The following SCAPER variants were observed in gnomAD, a reference collection of about 807,000 sequenced individuals.
The protein encoded by SCAPER is S phase cyclin A-associated protein in the endoplasmic reticulum.
SCAPER carries 98 observed loss-of-function variants against 182.2 expected under a neutral mutation model. That is an observed-to-expected ratio of 0.54 (90% CI 0.46 to 0.64). SCAPER has a LOEUF of 0.64. Among genes scored for constraint, SCAPER ranks in the 30% least tolerant of loss-of-function variants. The probability of loss-of-function intolerance (pLI) is 0.00; values close to 1 mark genes in which losing one functional copy is unlikely to be tolerated. For synonymous variants in SCAPER, 605 were observed against 564.6 expected (o/e 1.07, Z -1.01); for missense variants, 1,432 against 1,690.0 (o/e 0.85, Z 2.68).
chr15:76,546,410 G>A (rs1158185629), intron 23 of SCAPER, among the ~76,000 whole-genome samples: 2 of 151,846 alleles, frequency 1.3e-5, no homozygotes, highest in African/African-American at 2.4e-5. Context: ...GGCTGGTCTC[G>A]AACTCCTAGG....
chr15:76,805,635 G>A (rs1955165233), intron 5 of SCAPER, among the ~76,000 whole-genome samples: 1 of 148,102 alleles, frequency 6.8e-6, no homozygotes, highest in African/African-American at 2.5e-5. Context: ...TCTCAGCATC[G>A]CGGCTCACTG....
At chr15:76,487,399 T>C (rs992887178) in intron 24 of SCAPER, among the ~76,000 whole-genome samples, 5 of 152,172 alleles carry the variant, frequency 3.3e-5, no homozygotes, top group African/African-American at 1.2e-4. Context: ...TGGAGCACAA[T>C]GAAGTTTTGG....
chr15:76,542,672 T>C (rs2044874154), intron 23 of SCAPER, among the ~76,000 whole-genome samples: 1 of 152,108 alleles, frequency 6.6e-6, no homozygotes, highest in African/African-American at 2.4e-5. Flanking sequence ...GCTTAGCTTA[T>C]TAAAGAAAAA....
At chr15:76,660,381 A>T (rs953379891) in intron 21 of SCAPER, among the ~76,000 whole-genome samples, 2 of 152,204 alleles carry the variant, frequency 1.3e-5, no homozygotes, top group Non-Finnish European at 2.9e-5. Flanking sequence ...AATACCCCTG[A>T]ACCTAAAATA....
chr15:76,820,001 C>G lies in SCAPER; in HGVS notation c.394-15368G>C, dbSNP rs189978364. ...ACACATGAAAAAATGCTCATCATCA[C>G]TGGACATCAGAGAAATGCAAATCAA... On this transcript the variant is annotated intron_variant, in intron 5 of 31. Coordinates refer to ENST00000563290, the MANE Select transcript of SCAPER (RefSeq NM_020843.4). Among the ~76,000 whole-genome samples, 126 of 152,322 alleles carry G rather than the reference C, an allele frequency of 8.3e-4. 1 individual carries two copies. The highest frequency in any genetic ancestry group is 2.8e-3 in the African/African-American group (118 of 41,572).
chr15:76,358,257 T>C (rs1445475750), intron 29 of SCAPER, among the ~76,000 whole-genome samples: 1 of 152,220 alleles, frequency 6.6e-6, no homozygotes, highest in Non-Finnish European at 1.5e-5. Context: ...CTATTCCTGA[T>C]CATTCTCTGG....
intron 17 of SCAPER, among the ~76,000 whole-genome samples, chr15:76,710,256 A>T (rs2059490661): frequency 6.6e-6 from 1 of 152,200 alleles, no homozygotes; most frequent in African/African-American, 2.4e-5. Flanking sequence ...ATAAGCCTTT[A>T]TGTATAAAAA....
intron 14 of SCAPER, among the ~76,000 whole-genome samples, chr15:76,764,243 G>A (rs868229278): frequency 2.0e-5 from 3 of 152,344 alleles, no homozygotes; most frequent in Non-Finnish European, 4.4e-5. Context: ...ATGCATTGGC[G>A]TGGCAGCTCA....
chr15:76,856,377 A>G (rs957284119), intron 4 of SCAPER, among the ~76,000 whole-genome samples: 1 of 152,058 alleles, frequency 6.6e-6, no homozygotes, highest in African/African-American at 2.4e-5. Context: ...GTTTACCTAT[A>G]TAACAAACCT....
intron 27 of SCAPER, among the ~76,000 whole-genome samples, chr15:76,392,157 A>G (rs763047946): frequency 2.0e-4 from 30 of 152,162 alleles, no homozygotes; most frequent in Non-Finnish European, 4.0e-4. Context: ...CTTGTTATGA[A>G]TATGGTTTGG....
At chr15:76,774,817 T>C (rs2063653032) in intron 9 of SCAPER, 38 bp downstream of exon 9, 3 of 1,571,098 alleles carry the variant, frequency 1.9e-6, no homozygotes, top group South Asian at 1.2e-5. Flanking sequence ...ACATACACCT[T>C]TGAAAAAGAC....
rs937147854 is a variant in SCAPER at position 76,711,741 on chromosome 15, A to G, written c.2166-5757T>C. Among the ~76,000 whole-genome samples the G allele has an allele frequency of 1.8e-4, 27 of 152,292 alleles. No individual in the cohort carries two copies. In the South Asian group the frequency reaches 3.1e-3, roughly 18 times the overall value. On this transcript the variant is annotated intron_variant, in intron 17 of 31. Transcript: ENST00000563290. ...TTGGCCGCATAAATGTCTTCTTTTG[A>G]GAAGTGTCTGTTCATATCCTCCCCC...
intron 20 of SCAPER, among the ~76,000 whole-genome samples, chr15:76,675,956 C>T (rs997571154): frequency 6.6e-6 from 1 of 152,102 alleles, no homozygotes; most frequent in Non-Finnish European, 1.5e-5. Context: ...TCCCGAGTAG[C>T]TGGGATTACA....
chr15:76,379,653 TC>T (rs1309639757), intron 28 of SCAPER: 1 of 152,128 alleles, frequency 6.6e-6, no homozygotes, highest in Non-Finnish European at 1.5e-5. Flanking sequence ...CACAAAGGAT[TC>T]CAGAAATAGG....
intron 5 of SCAPER, among the ~76,000 whole-genome samples, chr15:76,819,430 A>G (rs1005955539): frequency 1.3e-5 from 2 of 152,170 alleles, no homozygotes; most frequent in African/African-American, 4.8e-5. Flanking sequence ...CAGTTCACCA[A>G]TATCCTCTGT....
intron 6 of SCAPER, among the ~76,000 whole-genome samples, chr15:76,802,043 T>C (rs1386398179): frequency 5.3e-5 from 8 of 151,924 alleles, no homozygotes; most frequent in Non-Finnish European, 1.0e-4. Flanking sequence ...CAGCCACCAA[T>C]AGGTAACTGA....
At chr15:76,728,572 C>A in intron 17 of SCAPER, 23 bp downstream of exon 17, 1 of 1,612,632 alleles carries the variant, frequency 6.2e-7, no homozygotes, top group South Asian at 1.1e-5. Context: ...GCAAAATGTT[C>A]ATCAAGATAG....
chr15:76,825,507 G>A (rs916516832), intron 5 of SCAPER, among the ~76,000 whole-genome samples: 2 of 151,840 alleles, frequency 1.3e-5, no homozygotes, highest in African/African-American at 4.8e-5. Context: ...TTTGTCCATA[G>A]TAACACATCT....
intron 4 of SCAPER, among the ~76,000 whole-genome samples, chr15:76,854,469 C>T (rs1293183974): frequency 1.3e-5 from 2 of 152,016 alleles, no homozygotes; most frequent in Admixed American, 6.6e-5. Flanking sequence ...ATGACACAAA[C>T]AAATGGAAAA....
Sources: gnomAD v4.1 joint callset for allele counts (sites outside exome capture counted in the v4.1 genomes callset) on GRCh38, gnomAD v4.1.1 for gene constraint, MANE v1.5 for transcripts, NCBI Gene and HGNC (gene_info 2026-07-23, HGNC 2026-07-21) for gene names.